Variants in WNK2 observed in about 807,000 individuals in gnomAD.
WNK2 encodes WNK lysine deficient protein kinase 2, also known as serine/threonine-protein kinase WNK2.
A neutral mutation model predicts 192.1 loss-of-function variants in WNK2; 67 were observed. The ratio of observed to expected loss-of-function variants is 0.35; its 90% CI spans 0.29 to 0.43. WNK2 has a LOEUF of 0.43. WNK2 is among the 20% of genes least tolerant of loss of function. The pLI is 1.00. For synonymous variants in WNK2, 1,439 were observed against 1,393.9 expected (o/e 1.03, Z -0.72); for missense variants, 2,698 against 3,089.7 (o/e 0.87, Z 3.01).
At chr9:93,200,784 A>T (rs147610630) in intron 2 of WNK2, among the ~76,000 whole-genome samples, 2,276 of 152,270 alleles carry the variant, frequency 0.015, 23 homozygotes, top group Non-Finnish European at 0.023. Flanking sequence ...CGCCATTTGT[A>T]AAAAGAGGGT....
intron 2 of WNK2, among the ~76,000 whole-genome samples, chr9:93,189,082 A>G (rs773803317): frequency 2.6e-5 from 4 of 152,134 alleles, no homozygotes; most frequent in Non-Finnish European, 4.4e-5. Context: ...AAACATAGCC[A>G]ACTCAGACCC....
intron 19 of WNK2, among the ~76,000 whole-genome samples, chr9:93,277,767 T>C (rs1847160031): frequency 6.6e-6 from 1 of 152,184 alleles, no homozygotes; most frequent in African/African-American, 2.4e-5. Flanking sequence ...GGTAACTAAA[T>C]GGATACATGT....
chr9:93,226,846 C>T (rs1330906455), intron 2 of WNK2, among the ~76,000 whole-genome samples: 6 of 152,130 alleles, frequency 3.9e-5, no homozygotes, highest in Non-Finnish European at 8.8e-5. Context: ...TGGATGGGTG[C>T]GGCATGGTTC....
Position 93,184,275 on chromosome 9 carries a change from C to A in WNK2, c.-113C>A, listed in dbSNP as rs958797736. Among the ~76,000 whole-genome samples, 5 of 151,154 alleles carry A rather than the reference C, an allele frequency of 3.3e-5. No homozygotes were observed. Among genetic ancestry groups the A allele is most frequent in the East Asian group, 1.9e-4 (1 of 5,136 alleles). ...AGCTGGAGCGGCGCCACGGCCCCCA[C>A]CCCAGCGCGGACCTCGCCCGGAACT... On this transcript the variant is annotated 5_prime_UTR_variant, in exon 1 of 30. Transcript: ENST00000427277.
intron 7 of WNK2, among the ~76,000 whole-genome samples, chr9:93,246,220 G>C (rs150714118): frequency 6.6e-6 from 1 of 152,114 alleles, no homozygotes; most frequent in African/African-American, 2.4e-5. Flanking sequence ...ACTGGCTCCC[G>C]TGCCGTTTTG....
At chr9:93,308,818 C>T in intron 28 of WNK2, 1 of 1,407,556 alleles carries the variant, frequency 7.1e-7, no homozygotes, top group Non-Finnish European at 9.2e-7. Flanking sequence ...CAGGCCAGGC[C>T]AGGCCAGGGC....
rs1588266291 is a variant in WNK2, at chr9:93,261,725, G to T, written c.3067-89G>T. On this transcript the variant is annotated intron_variant, in intron 12 of 29. Coordinates refer to ENST00000427277, the MANE Select transcript of WNK2 (RefSeq NM_006648.4). The stretch of plus-strand genomic sequence containing the variant: ...TCTGGAGAGGGGTGTTCCCATCTCG[G>T]CCTGGGTATTCCCAGACACACCTGG... 3.4e-6 allele frequency: 5 copies of T among 1,471,778 alleles called. No homozygotes were observed. The East Asian group carries it at 1.1e-4, about 34-fold the overall frequency. 91.2% of individuals were successfully genotyped at this position (1,471,778 alleles called of 1,614,324 possible). A position where few individuals can be genotyped will look rare whatever the true frequency, so the allele number is the denominator to read the frequency against.
intron 2 of WNK2, among the ~76,000 whole-genome samples, chr9:93,195,809 G>C (rs1254833022): frequency 6.7e-6 from 1 of 148,402 alleles, no homozygotes. Context: ...TCTAGGTCTT[G>C]TTTGCACATG....
chr9:93,292,776 C>T lies in WNK2; in HGVS notation c.5311C>T (p.Pro1771Ser). 1 of 1,559,064 alleles carries T rather than the reference C, an allele frequency of 6.4e-7. No homozygotes were observed. Among genetic ancestry groups the T allele is most frequent in the Non-Finnish European group, 8.7e-7 (1 of 1,153,048 alleles). The change falls in exon 23 of 30, where the codon CCC (proline) becomes TCC (serine). Residue 1771 changes from proline to serine, a missense_variant. Pro to Ser is a moderately conservative substitution (Grantham distance 74). Transcript: ENST00000427277. Reference protein sequence around the residue: ...SPHSLRYSAPPDVYLDEAPSS... With the variant: ...SPHSLRYSAPSDVYLDEAPSS... ...CCACAGCCTGAGATACTCTGCCCCACCCGACGTCTACCTGGACGAGGCCCC... is the reference window on the plus strand; with the variant it reads ...CCACAGCCTGAGATACTCTGCCCCATCCGACGTCTACCTGGACGAGGCCCC...
chr9:93,254,330 G>A (rs549622486), intron 9 of WNK2, among the ~76,000 whole-genome samples: 1 of 152,328 alleles, frequency 6.6e-6, no homozygotes, highest in Admixed American at 6.5e-5. Context: ...TTCTTCCCTC[G>A]TGAGCAGCTC....
chr9:93,256,839 T>C (rs927172682), intron 10 of WNK2, 109 bp from the exon 11 acceptor site: 2 of 1,004,246 alleles, frequency 2.0e-6, no homozygotes, highest in African/African-American at 3.3e-5. Flanking sequence ...TGTGAGCATG[T>C]GCGTGTGCAT....
intron 8 of WNK2, among the ~76,000 whole-genome samples, chr9:93,252,535 A>G (rs561096096): frequency 6.6e-6 from 1 of 152,312 alleles, no homozygotes; most frequent in South Asian, 2.1e-4. Flanking sequence ...TACCTCAGAC[A>G]TTCCTTTGGC....
At chr9:93,263,499 C>T (rs1588281599) in intron 14 of WNK2, 67 bp from the exon 15 acceptor site, 1 of 1,564,928 alleles carries the variant, frequency 6.4e-7, no homozygotes, top group Non-Finnish European at 8.7e-7. Context: ...GATAAGCTGA[C>T]TTTCCCCGCC....
intron 7 of WNK2, among the ~76,000 whole-genome samples, chr9:93,245,541 C>G (rs1763003674): frequency 1.3e-5 from 2 of 152,252 alleles, no homozygotes; most frequent in African/African-American, 4.8e-5. Context: ...GCCAGTTAGG[C>G]AGATGCTGGC....
chr9:93,185,221 C>T lies in WNK2; in HGVS notation c.292C>T (p.Pro98Ser), dbSNP rs1189583183. The stretch of plus-strand genomic sequence containing the variant: ...CCGCGGACGCCCCGCCGCCCCCGCG[C>T]CCGCAGCGCTGGTAGCGCAGCCGGG... ...RARGRPAAPA[P>S]AALVAQPGAP... is the part of the protein sequence containing the mutation. The change falls in exon 2 of 30, where the codon CCC (proline) becomes TCC (serine). Residue 98 changes from proline (P) to serine (S), a missense_variant. Coordinates refer to ENST00000427277, the MANE Select transcript of WNK2 (RefSeq NM_006648.4). The T allele has an allele frequency of 7.6e-6, 9 of 1,179,000 alleles. No individual in the cohort carries two copies. The highest frequency in any genetic ancestry group is 3.2e-5 in the African/African-American group (2 of 61,808). 73.0% of individuals were successfully genotyped at this position (1,179,000 alleles called of 1,614,324 possible).
chr9:93,235,144 T>C (rs112100183), intron 5 of WNK2, among the ~76,000 whole-genome samples, 179 bp downstream of exon 5: 90 of 152,200 alleles, frequency 5.9e-4, no homozygotes, highest in African/African-American at 1.9e-3. Flanking sequence ...AACTGAGGCT[T>C]AGTAGCGGGG....
chr9:93,276,210 C>T (rs748169299), intron 19 of WNK2, among the ~76,000 whole-genome samples: 1 of 152,166 alleles, frequency 6.6e-6, no homozygotes, highest in Non-Finnish European at 1.5e-5. Flanking sequence ...TATAAAGTTA[C>T]AGTAATCTAG....
chr9:93,258,780 G>C (rs1843711384), intron 11 of WNK2, 151 bp from the exon 12 acceptor site: 1 of 666,152 alleles, frequency 1.5e-6, no homozygotes, highest in African/African-American at 1.8e-5. Flanking sequence ...TTCAACAGCA[G>C]CTACACAAAG....
chr9:93,296,971 G>A (rs114545259), intron 23 of WNK2, among the ~76,000 whole-genome samples: 758 of 40,626 alleles, frequency 0.019, 24 homozygotes, highest in African/African-American at 0.064. Context: ...GCATCCCCTC[G>A]GCCTCCTCCC....
Sources: allele counts gnomAD v4.1 joint callset (sites outside exome capture counted in the v4.1 genomes callset), GRCh38; gene constraint gnomAD v4.1.1; transcripts MANE v1.5; gene names NCBI Gene and HGNC (gene_info 2026-07-23, HGNC 2026-07-21).